Variants in CDH18 observed in about 807,000 individuals in gnomAD.
The protein encoded by CDH18 is cadherin-18.
A neutral mutation model predicts 67.9 loss-of-function variants in CDH18; 31 were observed. The ratio of observed to expected loss-of-function variants is 0.46; its 90% CI spans 0.34 to 0.62. The LOEUF is 0.62. CDH18 is among the 20% of genes least tolerant of loss of function. CDH18 has a pLI of 0.01. For missense variants in CDH18, 890 were observed against 975.5 expected (o/e 0.91, Z 1.17); for synonymous variants, 362 against 347.2 (o/e 1.04, Z -0.48).
At chr5:20,190,210 C>A (rs138726799) in intron 2 of CDH18, among the ~76,000 whole-genome samples, 193 of 152,194 alleles carry the variant, frequency 1.3e-3, no homozygotes, top group African/African-American at 4.6e-3. Context: ...AGAATAAACA[C>A]CAGCGTGTGG....
At chr5:19,720,429 A>T (rs945565783) in intron 5 of CDH18, among the ~76,000 whole-genome samples, 6 of 152,136 alleles carry the variant, frequency 3.9e-5, no homozygotes, top group African/African-American at 1.4e-4. Flanking sequence ...CCATCTCATA[A>T]ATATGTACAT....
At chr5:19,508,764 C>T (rs1308470323) in intron 10 of CDH18, among the ~76,000 whole-genome samples, 9 of 151,712 alleles carry the variant, frequency 5.9e-5, no homozygotes, top group African/African-American at 2.2e-4. Context: ...GTCAGTATCA[C>T]AAATATATAA....
At chr5:20,549,400 T>C (rs1044237545) in intron 1 of CDH18, among the ~76,000 whole-genome samples, 1 of 152,150 alleles carries the variant, frequency 6.6e-6, no homozygotes, top group Non-Finnish European at 1.5e-5. Context: ...ATTTTCCAGG[T>C]AATTGAATCA....
At chr5:20,093,680 A>T (rs1333735203) in intron 2 of CDH18, among the ~76,000 whole-genome samples, 1 of 152,198 alleles carries the variant, frequency 6.6e-6, no homozygotes, top group African/African-American at 2.4e-5. Context: ...AGAATCAGAG[A>T]GCTGGCTAGG....
At chr5:20,237,277 A>G (rs1742547182) in intron 2 of CDH18, among the ~76,000 whole-genome samples, 1 of 151,924 alleles carries the variant, frequency 6.6e-6, no homozygotes, top group African/African-American at 2.4e-5. Context: ...AAAGCGGGGT[A>G]TATTTGCTCT....
intron 9 of CDH18, among the ~76,000 whole-genome samples, chr5:19,528,603 G>C (rs78912215): frequency 0.011 from 1,641 of 151,942 alleles, 15 homozygotes; most frequent in South Asian, 0.032. Flanking sequence ...TCTGAGAACA[G>C]ATTTGTTGCT....
intron 2 of CDH18, among the ~76,000 whole-genome samples, chr5:19,854,379 T>C (rs1384221639): frequency 6.6e-6 from 1 of 152,162 alleles, no homozygotes; most frequent in Non-Finnish European, 1.5e-5. Context: ...AAACTTTATA[T>C]TTGATGACTA....
chr5:19,715,520 G>C (rs1436069342), intron 5 of CDH18, among the ~76,000 whole-genome samples: 4 of 151,864 alleles, frequency 2.6e-5, no homozygotes, highest in South Asian at 2.1e-4. Context: ...GAAGATAAAA[G>C]GTTGGTTATT....
chr5:20,471,807 C>A (rs1036631115), intron 1 of CDH18, among the ~76,000 whole-genome samples: 1 of 115,154 alleles, frequency 8.7e-6, no homozygotes, highest in Non-Finnish European at 1.7e-5. Flanking sequence ...AGCACTCCAG[C>A]CTGGGCAACA....
intron 10 of CDH18, among the ~76,000 whole-genome samples, chr5:19,517,609 A>G (rs1277402776): frequency 1.3e-5 from 2 of 151,792 alleles, no homozygotes. Flanking sequence ...CTAATATTTT[A>G]CTTTAGTGCA....
At chr5:19,957,248 C>T (rs573128198) in intron 2 of CDH18, among the ~76,000 whole-genome samples, 40 of 151,788 alleles carry the variant, frequency 2.6e-4, no homozygotes, top group Non-Finnish European at 4.1e-4. Flanking sequence ...TATTTTTGTA[C>T]TTTCAGAGTG....
intron 3 of CDH18, among the ~76,000 whole-genome samples, chr5:19,795,840 G>T (rs1163191923): frequency 6.6e-6 from 1 of 151,982 alleles, no homozygotes; most frequent in East Asian, 1.9e-4. Context: ...AATACATTAA[G>T]AACTTATTTT....
At chr5:19,560,274 C>T (rs1023334708) in intron 8 of CDH18, among the ~76,000 whole-genome samples, 13 of 151,980 alleles carry the variant, frequency 8.6e-5, no homozygotes, top group African/African-American at 2.7e-4. Context: ...TATTATAAGG[C>T]CATAGTCACC....
chr5:19,863,646 C>T (rs1028832279), intron 2 of CDH18, among the ~76,000 whole-genome samples: 1 of 152,130 alleles, frequency 6.6e-6, no homozygotes. Context: ...ACATGATCCT[C>T]CCTTCTCTAT....
At chr5:19,882,552 T>A (rs553441528) in intron 2 of CDH18, among the ~76,000 whole-genome samples, 1 of 152,172 alleles carries the variant, frequency 6.6e-6, no homozygotes, top group Non-Finnish European at 1.5e-5. Context: ...TTTGGACTAT[T>A]ATATATTAAA....
rs141049656 is a variant in CDH18, at chr5:19,760,780, A to T, written c.229-13544T>A. ...TTTAGTTATAGATTTAGAAGCAGAG[A>T]TGATGGGGGTGGCTCCTGAGGATGA... On this transcript the variant is annotated intron_variant, in intron 3 of 12. Coordinates refer to ENST00000382275, the MANE Select transcript of CDH18 (RefSeq NM_004934.5). Among the ~76,000 whole-genome samples the T allele has an allele frequency of 6.4e-4, 98 of 152,236 alleles. 1 individual carries two copies. The East Asian group carries it at 0.014, about 22-fold the overall frequency.
chr5:20,023,244 A>G (rs1035021940), intron 2 of CDH18, among the ~76,000 whole-genome samples: 2 of 152,136 alleles, frequency 1.3e-5, no homozygotes, highest in Non-Finnish European at 2.9e-5. Context: ...CCCACAAACT[A>G]ATATCCACAG....
At chr5:19,578,125 T>C (rs1742623520) in intron 7 of CDH18, among the ~76,000 whole-genome samples, 1 of 152,226 alleles carries the variant, frequency 6.6e-6, no homozygotes, top group East Asian at 1.9e-4. Context: ...TCCAGGACTG[T>C]GAGACAGCAC....
chr5:19,875,576 T>C (rs1010738379), intron 2 of CDH18, among the ~76,000 whole-genome samples: 2 of 152,036 alleles, frequency 1.3e-5, no homozygotes, highest in Admixed American at 6.6e-5. Context: ...TAAGAAATCA[T>C]TTTTGATACA....
Sources: allele counts gnomAD v4.1 joint callset (sites outside exome capture counted in the v4.1 genomes callset), GRCh38; gene constraint gnomAD v4.1.1; transcripts MANE v1.5; gene names NCBI Gene and HGNC (gene_info 2026-07-23, HGNC 2026-07-21).